DENND2B: variants seen among roughly 807,000 people sequenced by gnomAD.
DENND2B encodes the protein DENN domain containing 2B.
Under a neutral mutation model 116.0 loss-of-function variants are expected in DENND2B, and 32 were observed. That is an observed-to-expected ratio of 0.28 (90% CI 0.21 to 0.37). DENND2B has a LOEUF of 0.37. Among genes scored for constraint, DENND2B ranks in the 10% least tolerant of loss-of-function variants. The pLI, the probability that DENND2B is intolerant of heterozygous loss-of-function variation, is 1.00. For synonymous variants in DENND2B, 588 were observed against 583.9 expected (o/e 1.01, Z -0.10); for missense variants, 1,276 against 1,477.7 (o/e 0.86, Z 2.24).
chr11:8,838,181 C>G (rs1181573413), intron 4 of DENND2B, among the ~76,000 whole-genome samples: 1 of 152,222 alleles, frequency 6.6e-6, no homozygotes, highest in East Asian at 1.9e-4. Flanking sequence ...GATGCTCACA[C>G]TAATGGTTCT....
chr11:8,837,560 C>T (rs140904258), intron 4 of DENND2B, among the ~76,000 whole-genome samples: 3,495 of 152,156 alleles, frequency 0.023, 140 homozygotes, highest in African/African-American at 0.079. Context: ...GTTGGCCAGG[C>T]TGGTCTCGAA....
At chr11:8,751,111 A>G (rs981098154) in intron 1 of DENND2B, among the ~76,000 whole-genome samples, 3 of 152,104 alleles carry the variant, frequency 2.0e-5, no homozygotes, top group African/African-American at 7.2e-5. Context: ...TAAATACACC[A>G]ATCAGCACTC....
chr11:8,749,312 C>G (rs577904945), intron 2 of DENND2B, among the ~76,000 whole-genome samples: 89 of 152,342 alleles, frequency 5.8e-4, no homozygotes, highest in African/African-American at 2.1e-3. Flanking sequence ...CAGCCTCACT[C>G]AGTACAGGGA....
At chr11:8,834,679 T>C (rs1193274574) in intron 4 of DENND2B, among the ~76,000 whole-genome samples, 1 of 152,186 alleles carries the variant, frequency 6.6e-6, no homozygotes, top group Non-Finnish European at 1.5e-5. Flanking sequence ...CTTCATGCAA[T>C]GGGAACAGAG....
chr11:8,726,420 G>T, intron 3 of DENND2B: 1 of 519,276 alleles, frequency 1.9e-6, no homozygotes. Flanking sequence ...GCCTTATCCT[G>T]AATAATACCG....
chr11:8,760,219 C>A (rs77731096), intron 1 of DENND2B, among the ~76,000 whole-genome samples: 125 of 152,280 alleles, frequency 8.2e-4, no homozygotes, highest in African/African-American at 3.0e-3. Flanking sequence ...CTTCTCAGTG[C>A]TGCCTCCATT....
chr11:8,891,982 T>C (rs2064039863), intron 1 of DENND2B, among the ~76,000 whole-genome samples: 2 of 152,180 alleles, frequency 1.3e-5, no homozygotes, highest in South Asian at 4.1e-4. Context: ...ATTGACCACA[T>C]AGTTGGAAGT....
At chr11:8,882,967 G>A (rs1344058078) in intron 1 of DENND2B, among the ~76,000 whole-genome samples, 3 of 152,190 alleles carry the variant, frequency 2.0e-5, no homozygotes, top group Admixed American at 1.3e-4. Context: ...CAGCCTGGAC[G>A]ACAGAGTGAG....
intron 3 of DENND2B, among the ~76,000 whole-genome samples, chr11:8,855,373 T>C (rs2063158463): frequency 6.6e-6 from 1 of 151,250 alleles, no homozygotes; most frequent in African/African-American, 2.4e-5. Flanking sequence ...TCCTCTCTTT[T>C]ATTCTGAGCA....
chr11:8,700,064 T>TG (rs36089509), intron 14 of DENND2B: 7,031 of 441,714 alleles, frequency 0.016, 45 homozygotes, highest in Non-Finnish European at 0.021. Flanking sequence ...GGAGCTGGCC[T>TG]GGGGGGGGGC....
At chr11:8,827,262 G>C (rs963345069) in intron 4 of DENND2B, among the ~76,000 whole-genome samples, 1 of 152,212 alleles carries the variant, frequency 6.6e-6, no homozygotes, top group Non-Finnish European at 1.5e-5. Flanking sequence ...AAGGCAGAGT[G>C]AAAAGAACAA....
At chr11:8,910,777 C>A (rs2064312808) in intron 1 of DENND2B, 1 of 153,214 alleles carries the variant, frequency 6.5e-6, no homozygotes, top group Non-Finnish European at 1.4e-5. Context: ...TAGCTGGTAC[C>A]CCATAATTTT....
intron 2 of DENND2B, chr11:8,877,583 C>A (rs2063858124): frequency 6.6e-6 from 1 of 152,154 alleles, no homozygotes; most frequent in Non-Finnish European, 1.5e-5. Context: ...ACACTAGTTA[C>A]CAATCTTTGT....
intron 2 of DENND2B, among the ~76,000 whole-genome samples, chr11:8,739,618 T>C (rs1353414037): frequency 1.3e-5 from 2 of 152,276 alleles, no homozygotes; most frequent in Admixed American, 1.3e-4. Flanking sequence ...ACTGTAGAAC[T>C]GGGCACTTGT....
upstream of DENND2B, among the ~76,000 whole-genome samples, chr11:8,815,444 C>T (rs910011932): frequency 6.6e-6 from 1 of 152,094 alleles, no homozygotes; most frequent in South Asian, 2.1e-4. Context: ...CATCTCTTGC[C>T]CACACCTCCC....
upstream of DENND2B, chr11:8,811,512 T>G: frequency 2.6e-6 from 1 of 390,080 alleles, no homozygotes; most frequent in East Asian, 3.6e-5. Context: ...GTAATAATAT[T>G]GCTCCTGTCA....
upstream of DENND2B, among the ~76,000 whole-genome samples, chr11:8,876,214 C>T (rs1485233570): frequency 6.6e-6 from 1 of 152,050 alleles, no homozygotes; most frequent in Non-Finnish European, 1.5e-5. Context: ...AGCAAGACCC[C>T]ATCTCTATAT....
At chr11:8,834,757 G>T (rs2134594461) in intron 4 of DENND2B, among the ~76,000 whole-genome samples, 1 of 152,274 alleles carries the variant, frequency 6.6e-6, no homozygotes, top group Middle Eastern at 3.4e-3. Flanking sequence ...TTCACTAAAA[G>T]CTCCTTTTTC....
chr11:8,781,545 G>A (rs1219485315), intron 1 of DENND2B, among the ~76,000 whole-genome samples: 3 of 152,058 alleles, frequency 2.0e-5, no homozygotes, highest in Non-Finnish European at 2.9e-5. Context: ...GGTGTGGCAA[G>A]CTGGGCACTC....
Sources: gnomAD v4.1 joint callset for allele counts (sites outside exome capture counted in the v4.1 genomes callset) on GRCh38, gnomAD v4.1.1 for gene constraint, MANE v1.5 for transcripts, NCBI Gene and HGNC (gene_info 2026-07-23, HGNC 2026-07-21) for gene names.